TASOR: variants seen among roughly 807,000 people sequenced by gnomAD.
TASOR encodes protein TASOR.
TASOR carries 53 observed loss-of-function variants against 178.6 expected under a neutral mutation model. The ratio of observed to expected loss-of-function variants is 0.30; its 90% CI spans 0.24 to 0.37. The LOEUF (loss-of-function observed/expected upper bound fraction) is 0.37, where lower values mean the gene tolerates loss of function less well. Among genes scored for constraint, TASOR ranks in the 10% least tolerant of loss-of-function variants. TASOR has a pLI of 1.00. For missense variants in TASOR, 1,815 were observed against 1,971.4 expected, an observed-to-expected ratio of 0.92 and a Z score of 1.50; for synonymous variants, 713 against 696.2, an observed-to-expected ratio of 1.02 and a Z score of -0.38.
At chr3:56,632,174 T>C (rs962517949) in intron 18 of TASOR, among the ~76,000 whole-genome samples, 6 of 152,092 alleles carry the variant, frequency 3.9e-5, no homozygotes, top group Non-Finnish European at 7.4e-5. Context: ...CTCCTCTTCA[T>C]TAAAAATGCA....
Position 56,639,925 on chromosome 3 carries a change from T to A in TASOR, c.2764+61A>T, listed in dbSNP as rs969778355. On this transcript the variant is annotated intron_variant, in intron 16 of 23. Transcript: ENST00000683822. ...GTGAAATCCACAGAAGATGGAAACA[T>A]TCAGGAAACTGGTCTCTAAGTAAAA... 3 of 1,468,704 alleles carry A rather than the reference T, an allele frequency of 2.0e-6. No homozygotes were observed. In the African/African-American group the frequency reaches 4.2e-5, roughly 21 times the overall value. 91.0% of individuals were successfully genotyped at this position (1,468,704 alleles called of 1,614,324 possible). A position where few individuals can be genotyped will look rare whatever the true frequency, so the allele number is the denominator to read the frequency against.
intron 17 of TASOR, among the ~76,000 whole-genome samples, chr3:56,637,796 GAT>G (rs1038275763): frequency 2.6e-5 from 4 of 151,774 alleles, no homozygotes; most frequent in African/African-American, 9.7e-5. Flanking sequence ...ATATAAAAAA[GAT>G]CACCACCAAA....
chr3:56,638,208 T>C (rs1309365150), intron 17 of TASOR, among the ~76,000 whole-genome samples: 6 of 151,410 alleles, frequency 4.0e-5, no homozygotes, highest in Admixed American at 4.0e-4. Flanking sequence ...CTACTAAAAA[T>C]AAAAAAATAA....
chr3:56,648,815 A>G lies in TASOR; in HGVS notation c.1513+7T>C. 1.3e-6 allele frequency: 2 copies of G among 1,596,664 alleles called. No homozygotes were observed. Among genetic ancestry groups the G allele is most frequent in the Non-Finnish European group, 1.7e-6 (2 of 1,169,184 alleles). Reference sequence around the variant, plus strand: ...AGTAACCAGATTTAGATATTCAAAGAACTTACAAGTAACTATGCTTCTAGG... The same window carrying G: ...AGTAACCAGATTTAGATATTCAAAGGACTTACAAGTAACTATGCTTCTAGG... On this transcript the variant is annotated splice_region_variant and intron_variant, in intron 13 of 23. Transcript: ENST00000683822.
At chr3:56,663,132 G>A (rs552531631) in intron 8 of TASOR, among the ~76,000 whole-genome samples, 28 of 152,078 alleles carry the variant, frequency 1.8e-4, no homozygotes, top group Non-Finnish European at 3.4e-4. Flanking sequence ...GCAGTGAGCC[G>A]AGATCACGCC....
chr3:56,640,009 T>C lies in TASOR; in HGVS notation c.2741A>G (p.His914Arg), dbSNP rs748344658. The C allele has an allele frequency of 6.2e-7, 1 of 1,609,310 alleles. No homozygotes were observed. Among genetic ancestry groups the C allele is most frequent in the South Asian group, 1.1e-5 (1 of 89,262 alleles). The change falls in exon 16 of 24, where the codon CAT becomes CGT. Residue 914 changes from histidine to arginine, a missense_variant. Coordinates refer to ENST00000683822, the MANE Select transcript of TASOR (RefSeq NM_001365635.2). The part of the protein sequence containing the change: ...KSNNVEETEI[H>R]WKLIPITGGN... ...ACCTGTAATTGGAATCAGTTTCCAA[T>C]GTATTTCAGTCTCTTCAACATTATT...
chr3:56,631,137 A>G (rs1475087948), intron 18 of TASOR, among the ~76,000 whole-genome samples: 3 of 152,190 alleles, frequency 2.0e-5, no homozygotes, highest in Non-Finnish European at 4.4e-5. Context: ...AGGAATTCCT[A>G]GAAGTCTTAT....
chr3:56,664,521 C>T (rs2077666815), intron 7 of TASOR, among the ~76,000 whole-genome samples: 1 of 152,104 alleles, frequency 6.6e-6, no homozygotes, highest in Non-Finnish European at 1.5e-5. Flanking sequence ...GGATTATTCA[C>T]CTACATAAAA....
intron 15 of TASOR, among the ~76,000 whole-genome samples, chr3:56,641,119 A>T (rs545414495): frequency 1.3e-5 from 2 of 152,240 alleles, no homozygotes; most frequent in Non-Finnish European, 2.9e-5. Flanking sequence ...TATCACAAGT[A>T]AACTGTAGAC....
In TASOR at chr3:56,648,902, C is replaced by T. The variant is rs1408117783; in HGVS notation, c.1442-9G>A. On this transcript the variant is annotated splice_polypyrimidine_tract_variant and intron_variant, in intron 12 of 23. Transcript: ENST00000683822. ...CTTGGCAGTCTGATATTCTAAAAAA[C>T]AGAAGCCAAACTCATTAGCAATGTG... The T allele has an allele frequency of 5.6e-6, 9 of 1,609,616 alleles. No homozygotes were observed. The highest frequency in any genetic ancestry group is 7.6e-6 in the Non-Finnish European group (9 of 1,178,532).
intron 22 of TASOR, 81 bp downstream of exon 22, chr3:56,624,747 C>T: frequency 6.5e-7 from 1 of 1,547,402 alleles, no homozygotes. Flanking sequence ...CAAAGCTTAG[C>T]AATACCCACC....
intron 9 of TASOR, among the ~76,000 whole-genome samples, chr3:56,661,655 A>T (rs1382419228): frequency 6.6e-6 from 1 of 152,186 alleles, no homozygotes; most frequent in Non-Finnish European, 1.5e-5. Flanking sequence ...ACCTTTCTAT[A>T]CCAACATATG....
chr3:56,678,956 C>G (rs1440903945), intron 1 of TASOR, among the ~76,000 whole-genome samples: 1 of 148,344 alleles, frequency 6.7e-6, no homozygotes, highest in East Asian at 2.0e-4. Context: ...AGGCTGCAGT[C>G]AGCCGGGATC....
chr3:56,623,101 TTATCTC>T lies in TASOR; in HGVS notation c.4943_4948del (p.Arg1648_Asp1649del). 1 of 1,611,848 alleles carries T rather than the reference TTATCTC, an allele frequency of 6.2e-7. No homozygotes were observed. Among genetic ancestry groups the T allele is most frequent in the Non-Finnish European group, 8.5e-7 (1 of 1,179,150 alleles). On this transcript the variant is annotated inframe_deletion, in exon 24 of 24. Coordinates refer to ENST00000683822, the MANE Select transcript of TASOR (RefSeq NM_001365635.2). ...CCCCCAACTTAAGGGAGGTGGAGAT[TTATCTC>T]TATCCAAGCTTTCAGTATAAGCAGA...
At chr3:56,650,320 C>G (rs2077324370) in intron 11 of TASOR, among the ~76,000 whole-genome samples, 1 of 152,194 alleles carries the variant, frequency 6.6e-6, no homozygotes, top group Non-Finnish European at 1.5e-5. Flanking sequence ...TTTGCACACT[C>G]AAAAGTAAAG....
intron 7 of TASOR, among the ~76,000 whole-genome samples, 187 bp downstream of exon 7, chr3:56,666,073 G>A (rs2029929310): frequency 6.6e-6 from 1 of 151,918 alleles, no homozygotes; most frequent in Admixed American, 6.6e-5. Context: ...ATTTCCACAT[G>A]GTAAACTGTC....
At position 56,668,394 on chromosome 3, in the gene TASOR, T is replaced by C. The variant is rs375806098; in HGVS notation, c.897+3A>G. ...CAACATTACAACGGATCCTGGAACC[T>C]ACCTGAGTAAGCTCATAGGCTCTGT... On this transcript the variant is annotated splice_donor_region_variant and intron_variant, in intron 6 of 23. Coordinates refer to ENST00000683822, the MANE Select transcript of TASOR (RefSeq NM_001365635.2). The C allele has an allele frequency of 5.2e-6, 8 of 1,550,494 alleles. No homozygotes were observed. The highest frequency in any genetic ancestry group is 2.7e-5 in the African/African-American group (2 of 72,972).
In TASOR at chr3:56,646,510, C is replaced by G. The variant is rs770760031; in HGVS notation, c.2215+12G>C. ...TATTTTTGGCTGTTATAAGAGCAATCTGATATTTTACCTTCATACAGATGG... is the reference window on the plus strand; with the variant it reads ...TATTTTTGGCTGTTATAAGAGCAATGTGATATTTTACCTTCATACAGATGG... On this transcript the variant is annotated intron_variant, in intron 14 of 23. Transcript: ENST00000683822. 5.7e-6 allele frequency: 9 copies of G among 1,576,670 alleles called. No individual in the cohort carries two copies. In the Middle Eastern group the frequency reaches 5.1e-4, roughly 90 times the overall value.
intron 14 of TASOR, among the ~76,000 whole-genome samples, chr3:56,642,222 C>T (rs1288112107): frequency 6.6e-6 from 1 of 152,208 alleles, no homozygotes; most frequent in Non-Finnish European, 1.5e-5. Flanking sequence ...TTAAAATCTA[C>T]ACCTTATCTT....
Sources: gnomAD v4.1 joint callset for allele counts (sites outside exome capture counted in the v4.1 genomes callset) on GRCh38, gnomAD v4.1.1 for gene constraint, MANE v1.5 for transcripts, NCBI Gene and HGNC (gene_info 2026-07-23, HGNC 2026-07-21) for gene names.